EBF2: variants seen among roughly 807,000 people sequenced by gnomAD.
EBF2 encodes EBF transcription factor 2, also known as transcription factor COE2.
A neutral mutation model predicts 72.8 loss-of-function variants in EBF2; 21 were observed. That is an observed-to-expected ratio of 0.29 (90% CI 0.20 to 0.42). The LOEUF is 0.42. Ranked by LOEUF, EBF2 falls within the 10% of genes least tolerant of loss-of-function variation. The pLI, the probability that EBF2 is intolerant of heterozygous loss-of-function variation, is 1.00. For synonymous variants in EBF2, 299 were observed against 274.2 expected, an observed-to-expected ratio of 1.09 and a Z score of -0.89; for missense variants, 637 against 731.2, an observed-to-expected ratio of 0.87 and a Z score of 1.49.
rs984303630 is a variant in EBF2 at position 25,935,896 on chromosome 8, C to T, written c.552-27341G>A. On this transcript the variant is annotated intron_variant, in intron 6 of 15. Coordinates refer to ENST00000520164, the MANE Select transcript of EBF2 (RefSeq NM_022659.4). ...AACCCTGTTTGTGTGGCAAGGCTTG[C>T]GTGGCTTTCCAAAGTTGCGACCGGT... 1.3e-5 allele frequency among the ~76,000 whole-genome samples: 2 copies of T among 152,236 alleles called. 1 individual carries two copies. Among genetic ancestry groups the T allele is most frequent in the South Asian group, 4.2e-4 (2 of 4,818 alleles).
chr8:25,901,698 T>A (rs1029939464), intron 7 of EBF2, among the ~76,000 whole-genome samples: 1 of 152,202 alleles, frequency 6.6e-6, no homozygotes. Context: ...CAGAAAACTA[T>A]TCATAAGAGC....
In EBF2 at chr8:25,921,886, C is replaced by T. The variant is rs562641447; in HGVS notation, c.552-13331G>A. Among the ~76,000 whole-genome samples the T allele has an allele frequency of 2.6e-4, 40 of 152,316 alleles. No individual in the cohort carries two copies. The South Asian group carries it at 5.8e-3, about 22-fold the overall frequency. On this transcript the variant is annotated intron_variant, in intron 6 of 15. Transcript: ENST00000520164. Reference sequence around the variant, plus strand: ...TGAGCACGCTCCCATTGAGAACAGGCGCAGCCCCTGGGCACTGCTTCTGTG... The same window carrying T: ...TGAGCACGCTCCCATTGAGAACAGGTGCAGCCCCTGGGCACTGCTTCTGTG...
At chr8:25,968,944 A>C (rs936310896) in intron 6 of EBF2, among the ~76,000 whole-genome samples, 2 of 149,884 alleles carry the variant, frequency 1.3e-5, no homozygotes, top group Non-Finnish European at 3.0e-5. Flanking sequence ...TGAACTGCAC[A>C]CTTAAAGATG....
intron 14 of EBF2, among the ~76,000 whole-genome samples, chr8:25,855,456 G>A (rs556937215): frequency 3.2e-4 from 49 of 152,194 alleles, no homozygotes; most frequent in African/African-American, 1.1e-3. Flanking sequence ...GTAAAGATGC[G>A]GGTTTCTGAT....
intron 6 of EBF2, among the ~76,000 whole-genome samples, chr8:25,989,852 C>G (rs749085075): frequency 2.0e-5 from 3 of 152,208 alleles, no homozygotes; most frequent in Non-Finnish European, 4.4e-5. Flanking sequence ...ACAGCAGCAG[C>G]AAGGCAGCCT....
intron 6 of EBF2, among the ~76,000 whole-genome samples, chr8:25,985,049 T>C (rs1478226049): frequency 6.6e-6 from 1 of 152,164 alleles, no homozygotes; most frequent in Non-Finnish European, 1.5e-5. Context: ...GACAGGGGGA[T>C]TGTTTTATAT....
chr8:25,971,885 C>G (rs866888623), intron 6 of EBF2, among the ~76,000 whole-genome samples: 6 of 152,156 alleles, frequency 3.9e-5, no homozygotes, highest in Admixed American at 6.5e-5. Flanking sequence ...CTCTACAGCT[C>G]GAGCGGCCCC....
At chr8:25,998,456 G>T (rs1045596959) in intron 6 of EBF2, among the ~76,000 whole-genome samples, 3 of 152,198 alleles carry the variant, frequency 2.0e-5, no homozygotes, top group Non-Finnish European at 4.4e-5. Flanking sequence ...GCCGTAGGAA[G>T]AAAGATGAAG....
At chr8:25,996,295 C>A (rs1474183298) in intron 6 of EBF2, among the ~76,000 whole-genome samples, 419 of 125,240 alleles carry the variant, frequency 3.3e-3, no homozygotes, top group Middle Eastern at 8.8e-3. Context: ...GACCCTGTCT[C>A]AAAAAAAAAA....
chr8:26,013,892 T>G (rs1332966850), intron 6 of EBF2, among the ~76,000 whole-genome samples: 1 of 152,156 alleles, frequency 6.6e-6, no homozygotes, highest in Non-Finnish European at 1.5e-5. Flanking sequence ...GATATTGCTA[T>G]AACACCTTCC....
At chr8:25,913,485 T>A (rs1175712569) in intron 6 of EBF2, among the ~76,000 whole-genome samples, 2 of 152,124 alleles carry the variant, frequency 1.3e-5, no homozygotes, top group East Asian at 3.8e-4. Context: ...GTGAACTTAG[T>A]AGTAGTTAAC....
At position 25,983,700 on chromosome 8, in the gene EBF2, G is replaced by A. The variant is rs1804400841; in HGVS notation, c.551+49385C>T. ...CAGCACAACCCCGGGCTCTAGCTGT[G>A]TATAGCCTCTGCTCATCAGGGGCCT... On this transcript the variant is annotated intron_variant, in intron 6 of 15. Coordinates refer to ENST00000520164, the MANE Select transcript of EBF2 (RefSeq NM_022659.4). Among the ~76,000 whole-genome samples the A allele has an allele frequency of 2.0e-5, 3 of 152,214 alleles. 1 individual carries two copies. In the South Asian group the frequency reaches 6.2e-4, roughly 32 times the overall value.
chr8:25,895,145 T>A (rs1440592625), intron 7 of EBF2, among the ~76,000 whole-genome samples: 2 of 152,316 alleles, frequency 1.3e-5, no homozygotes, highest in East Asian at 3.9e-4. Context: ...AGTTGATACA[T>A]CTGTATTACA....
intron 6 of EBF2, among the ~76,000 whole-genome samples, chr8:25,967,216 C>T (rs550130185): frequency 7.2e-4 from 109 of 152,272 alleles, no homozygotes; most frequent in African/African-American, 2.3e-3. Flanking sequence ...TAAACCATTG[C>T]TAAGAACAGA....
chr8:25,869,798 C>G (rs144778998), intron 10 of EBF2, among the ~76,000 whole-genome samples: 307 of 152,224 alleles, frequency 2.0e-3, no homozygotes, highest in African/African-American at 7.1e-3. Context: ...CGTACTGAAG[C>G]CTTACTATGT....
intron 6 of EBF2, among the ~76,000 whole-genome samples, chr8:25,991,113 A>G (rs1804536611): frequency 6.8e-6 from 1 of 146,996 alleles, no homozygotes; most frequent in Admixed American, 6.7e-5. Flanking sequence ...TGTGAAAAAA[A>G]TAAAAAAAAA....
At chr8:25,914,381 G>A (rs1442289889) in intron 6 of EBF2, among the ~76,000 whole-genome samples, 2 of 152,232 alleles carry the variant, frequency 1.3e-5, no homozygotes, top group Non-Finnish European at 1.5e-5. Context: ...CCTAGGGAAG[G>A]TGAAGGTTAG....
Position 26,044,691 on chromosome 8 carries a change from C to G in EBF2, c.131+38G>C. The G allele has an allele frequency of 1.2e-6, 2 of 1,606,738 alleles. No homozygotes were observed. The highest frequency in any genetic ancestry group is 1.7e-5 in the Admixed American group (1 of 59,764). ...CACACGGAGAGACAGACCGTAAGAG[C>G]GAGAGACAGCATAATAATTGCGCGG... is the stretch of plus-strand genomic sequence containing the variant. On this transcript the variant is annotated intron_variant, in intron 1 of 15. Coordinates refer to ENST00000520164, the MANE Select transcript of EBF2 (RefSeq NM_022659.4). The surrounding 1 kb of genome is among the most constrained non-coding windows in gnomAD (Gnocchi z 4.1).
chr8:25,989,486 A>G (rs946829803), intron 6 of EBF2, among the ~76,000 whole-genome samples: 2 of 152,246 alleles, frequency 1.3e-5, no homozygotes, highest in African/African-American at 4.8e-5. Flanking sequence ...GTTATTTGGC[A>G]TAGGAAGCTC....
Sources: allele counts gnomAD v4.1 joint callset (sites outside exome capture counted in the v4.1 genomes callset), GRCh38; gene constraint gnomAD v4.1.1; non-coding constraint Gnocchi (gnomAD v3.1); transcripts MANE v1.5; gene names NCBI Gene and HGNC (gene_info 2026-07-23, HGNC 2026-07-21).